TAFA5: variants seen among roughly 807,000 people sequenced by gnomAD.
TAFA5 encodes the protein TAFA chemokine like family member 5.
Under a neutral mutation model 15.3 loss-of-function variants are expected in TAFA5, and 6 were observed. The observed-to-expected ratio is 0.39, with a 90% CI of 0.21 to 0.77. The LOEUF (loss-of-function observed/expected upper bound fraction) is 0.77, where lower values mean the gene tolerates loss of function less well. Ranked by LOEUF, TAFA5 falls within the 30% of genes least tolerant of loss-of-function variation. TAFA5 has a pLI of 0.41. For missense variants in TAFA5, 161 were observed against 193.1 expected (o/e 0.83, Z 0.98); for synonymous variants, 103 against 80.7 (o/e 1.28, Z -1.48).
chr22:48,541,530 T>C (rs1449747257), intron 1 of TAFA5, among the ~76,000 whole-genome samples: 1 of 152,206 alleles, frequency 6.6e-6, no homozygotes, highest in Non-Finnish European at 1.5e-5. Flanking sequence ...GCTGTTTTCC[T>C]TGTCCCAGGT....
rs1052128706 is a variant in TAFA5, at chr22:48,742,302, C to G, written c.391-7537C>G. 6.6e-6 allele frequency among the ~76,000 whole-genome samples: 1 copy of G among 152,230 alleles called. No individual in the cohort carries two copies. The highest frequency in any genetic ancestry group is 1.9e-4 in the East Asian group (1 of 5,188). On this transcript the variant is annotated intron_variant, in intron 3 of 3. Coordinates refer to ENST00000402357, the MANE Select transcript of TAFA5 (RefSeq NM_001082967.3). This position sits in a 1 kb window ranked among gnomAD's most constrained non-coding sequence, Gnocchi z 6.2. ...GCCCCTGCCAGGTTCGGGAAAAGAA[C>G]TGACCCCCACGAGGATGGTCCTGGT...
chr22:48,526,397 G>T (rs868056088), intron 1 of TAFA5, among the ~76,000 whole-genome samples: 14 of 152,218 alleles, frequency 9.2e-5, no homozygotes, highest in African/African-American at 3.1e-4. Flanking sequence ...GTGGGAGCAG[G>T]TGCCCCAGTC....
At chr22:48,714,080 C>T (rs573938061) in intron 3 of TAFA5, among the ~76,000 whole-genome samples, 8 of 152,364 alleles carry the variant, frequency 5.3e-5, no homozygotes, top group East Asian at 1.9e-4. Flanking sequence ...TCGCCCAGGG[C>T]GGCCCTGCAG....
Position 48,749,852 on chromosome 22 carries a change from C to T in TAFA5, c.*5C>T, listed in dbSNP as rs543996103. ...TTTGCTCCTCAGGTCTCCTGACAAA[C>T]ACAGCCCCTGAGGGGCCCCGGGAGT... On this transcript the variant is annotated 3_prime_UTR_variant, in exon 4 of 4. Transcript: ENST00000402357. 2 of 1,559,282 alleles carry T rather than the reference C, an allele frequency of 1.3e-6. No individual in the cohort carries two copies. Among genetic ancestry groups the T allele is most frequent in the East Asian group, 2.4e-5 (1 of 41,590 alleles).
At chr22:48,503,499 C>T (rs1184884494) in intron 1 of TAFA5, among the ~76,000 whole-genome samples, 2 of 152,196 alleles carry the variant, frequency 1.3e-5, no homozygotes, top group Non-Finnish European at 2.9e-5. Flanking sequence ...AAGAGCAAAA[C>T]GCATCACCAA....
intron 3 of TAFA5, among the ~76,000 whole-genome samples, chr22:48,725,875 G>C (rs1021992178): frequency 6.6e-6 from 1 of 152,180 alleles, no homozygotes; most frequent in African/African-American, 2.4e-5. Flanking sequence ...AATCACATTA[G>C]AGTGAAAACC....
At chr22:48,516,196 G>C (rs1489716771) in intron 1 of TAFA5, among the ~76,000 whole-genome samples, 4 of 152,278 alleles carry the variant, frequency 2.6e-5, no homozygotes, top group African/African-American at 9.6e-5. Flanking sequence ...CGAAACCCAC[G>C]TGGAGGCGCC....
At chr22:48,683,732 A>G (rs1928265567) in intron 2 of TAFA5, among the ~76,000 whole-genome samples, 1 of 152,216 alleles carries the variant, frequency 6.6e-6, no homozygotes, top group African/African-American at 2.4e-5. Flanking sequence ...CTGTGTTCAC[A>G]CCCAAATCTC....
At chr22:48,615,327 G>A (rs546416751) in intron 1 of TAFA5, among the ~76,000 whole-genome samples, 12 of 152,286 alleles carry the variant, frequency 7.9e-5, no homozygotes, top group Admixed American at 2.0e-4. Flanking sequence ...TCGGTCCGAC[G>A]AGCTTGTCCC....
chr22:48,646,776 G>A (rs1266444102), intron 2 of TAFA5, 30 bp downstream of exon 2: 30 of 1,544,890 alleles, frequency 1.9e-5, no homozygotes, highest in Admixed American at 3.9e-5. Flanking sequence ...GGACCCCTCC[G>A]GGTGCTGAGC....
At chr22:48,512,613 G>C (rs1203781561) in intron 1 of TAFA5, among the ~76,000 whole-genome samples, 1 of 151,692 alleles carries the variant, frequency 6.6e-6, no homozygotes, top group Non-Finnish European at 1.5e-5. Flanking sequence ...GTGATAGAGC[G>C]AGACTTTGTC....
chr22:48,645,885 G>C (rs1299861632), intron 1 of TAFA5, among the ~76,000 whole-genome samples: 1 of 152,184 alleles, frequency 6.6e-6, no homozygotes, highest in Non-Finnish European at 1.5e-5. Flanking sequence ...GCTCACTCCA[G>C]GGGTGTGTTG....
intron 2 of TAFA5, among the ~76,000 whole-genome samples, chr22:48,681,725 T>G (rs1027270936): frequency 3.9e-5 from 6 of 152,036 alleles, no homozygotes; most frequent in East Asian, 1.9e-4. Flanking sequence ...CTTTCCCTGA[T>G]TCTCAGACAG....
intron 1 of TAFA5, among the ~76,000 whole-genome samples, chr22:48,537,034 G>A (rs915945217): frequency 1.9e-4 from 29 of 152,356 alleles, no homozygotes; most frequent in African/African-American, 5.8e-4. Flanking sequence ...AGCTCTTAGT[G>A]ATGGGTGTGG....
At chr22:48,577,209 A>G (rs895173554) in intron 1 of TAFA5, among the ~76,000 whole-genome samples, 2 of 152,306 alleles carry the variant, frequency 1.3e-5, no homozygotes, top group African/African-American at 4.8e-5. Context: ...CGCCCAGGAT[A>G]ACGGTTGGAC....
At chr22:48,656,637 A>G (rs1162922781) in intron 2 of TAFA5, among the ~76,000 whole-genome samples, 3 of 152,104 alleles carry the variant, frequency 2.0e-5, no homozygotes, top group Non-Finnish European at 4.4e-5. Flanking sequence ...AAAGACAATA[A>G]TAAAGATCAA....
At chr22:48,492,094 A>G (rs550764646) in intron 1 of TAFA5, among the ~76,000 whole-genome samples, 1 of 152,004 alleles carries the variant, frequency 6.6e-6, no homozygotes, top group Admixed American at 6.6e-5. Flanking sequence ...ATAATAATTT[A>G]TAGCTTGGAA....
At chr22:48,731,677 C>T (rs6010464) in intron 3 of TAFA5, among the ~76,000 whole-genome samples, 12,609 of 152,178 alleles carry the variant, frequency 0.083, 601 homozygotes, top group African/African-American at 0.11. Context: ...TGACTGAATC[C>T]TTTAAGCCCA....
chr22:48,749,126 C>T (rs912004144), intron 3 of TAFA5, among the ~76,000 whole-genome samples: 7 of 152,158 alleles, frequency 4.6e-5, no homozygotes, highest in South Asian at 2.1e-4. Context: ...GAGATCAGGA[C>T]GATGCGTCTC....
Sources: gnomAD v4.1 joint callset for allele counts (sites outside exome capture counted in the v4.1 genomes callset) on GRCh38, gnomAD v4.1.1 for gene constraint, Gnocchi (gnomAD v3.1) non-coding constraint, MANE v1.5 for transcripts, NCBI Gene and HGNC (gene_info 2026-07-23, HGNC 2026-07-21) for gene names.